Variants in SLC24A3 observed in about 807,000 individuals in gnomAD.
SLC24A3 encodes sodium/potassium/calcium exchanger 3.
SLC24A3 carries 28 observed loss-of-function variants against 75.8 expected under a neutral mutation model. That is an observed-to-expected ratio of 0.37 (90% CI 0.27 to 0.51). SLC24A3 has a LOEUF of 0.51. SLC24A3 is among the 20% of genes least tolerant of loss of function. The pLI is 0.94. For missense variants in SLC24A3, 663 were observed against 847.8 expected, an observed-to-expected ratio of 0.78 and a Z score of 2.71; for synonymous variants, 372 against 334.1, an observed-to-expected ratio of 1.11 and a Z score of -1.24.
At chr20:19,474,726 G>C (rs186974166) in intron 2 of SLC24A3, among the ~76,000 whole-genome samples, 1 of 152,050 alleles carries the variant, frequency 6.6e-6, no homozygotes, top group Non-Finnish European at 1.5e-5. Flanking sequence ...GAATTTTTTT[G>C]TGTGTGTGGT....
At chr20:19,527,125 T>C (rs1285932085) in intron 3 of SLC24A3, among the ~76,000 whole-genome samples, 1 of 151,918 alleles carries the variant, frequency 6.6e-6, no homozygotes, top group African/African-American at 2.4e-5. Context: ...CAGCTAGAAG[T>C]CATTTGCCTC....
intron 2 of SLC24A3, among the ~76,000 whole-genome samples, chr20:19,316,610 C>T (rs1984594102): frequency 6.6e-6 from 1 of 152,208 alleles, no homozygotes; most frequent in Non-Finnish European, 1.5e-5. Flanking sequence ...ATCAGCCAGA[C>T]ACCAAGTCGT....
intron 2 of SLC24A3, among the ~76,000 whole-genome samples, chr20:19,513,562 A>G (rs920864144): frequency 2.4e-4 from 36 of 152,054 alleles, no homozygotes; most frequent in African/African-American, 8.7e-4. Flanking sequence ...CTCCCAGTTT[A>G]TTCATTGTTC....
At chr20:19,285,467 G>T (rs1983788477) in intron 2 of SLC24A3, among the ~76,000 whole-genome samples, 1 of 94,562 alleles carries the variant, frequency 1.1e-5, no homozygotes, top group African/African-American at 4.2e-5. Context: ...GACAGAATGA[G>T]ACCCTGTCTC....
intron 2 of SLC24A3, among the ~76,000 whole-genome samples, chr20:19,450,995 G>C (rs1987470466): frequency 6.6e-6 from 1 of 151,872 alleles, no homozygotes; most frequent in Admixed American, 6.6e-5. Context: ...GCGAGACTCT[G>C]TTTCAAAAAA....
At chr20:19,299,652 A>G (rs2122244351) in intron 2 of SLC24A3, among the ~76,000 whole-genome samples, 1 of 152,340 alleles carries the variant, frequency 6.6e-6, no homozygotes, top group East Asian at 1.9e-4. Flanking sequence ...GGGGCCTGGA[A>G]CTTATGTAAA....
At position 19,517,959 on chromosome 20, in the gene SLC24A3, G is replaced by C. The variant is rs569561884; in HGVS notation, c.348+2395G>C. 5.4e-3 allele frequency among the ~76,000 whole-genome samples: 822 copies of C among 152,246 alleles called. 2 individuals are homozygous for C. Among genetic ancestry groups the C allele is most frequent in the Middle Eastern group, 0.01 (3 of 294 alleles). On this transcript the variant is annotated intron_variant, in intron 3 of 16. Coordinates refer to ENST00000328041, the MANE Select transcript of SLC24A3 (RefSeq NM_020689.4). ...TGTTATCCTACCCACTAGAATATAA[G>C]CCCCTACCACCAGAATGTAAGCCCC...
chr20:19,720,799 T>C (rs2033096747), intron 16 of SLC24A3, among the ~76,000 whole-genome samples, 192 bp from the exon 17 acceptor site: 1 of 152,130 alleles, frequency 6.6e-6, no homozygotes, highest in Non-Finnish European at 1.5e-5. Flanking sequence ...GCTTCCTTTC[T>C]TCCTGATGTT....
intron 3 of SLC24A3, among the ~76,000 whole-genome samples, chr20:19,578,231 C>T (rs963330288): frequency 3.3e-5 from 5 of 151,866 alleles, no homozygotes; most frequent in Admixed American, 1.3e-4. Flanking sequence ...AGACTGGAGC[C>T]GGGGCCAGGG....
intron 2 of SLC24A3, among the ~76,000 whole-genome samples, chr20:19,503,583 A>G (rs965272233): frequency 2.1e-4 from 32 of 152,258 alleles, no homozygotes; most frequent in African/African-American, 7.2e-4. Context: ...TGGTAACATA[A>G]AAGGAAAAAT....
chr20:19,359,446 G>A (rs985404657), intron 2 of SLC24A3, among the ~76,000 whole-genome samples: 18 of 152,142 alleles, frequency 1.2e-4, no homozygotes, highest in African/African-American at 3.6e-4. Flanking sequence ...CTGCCAACCC[G>A]TCACCCATGT....
intron 2 of SLC24A3, among the ~76,000 whole-genome samples, chr20:19,340,215 T>C (rs1299271244): frequency 1.3e-5 from 2 of 152,176 alleles, no homozygotes; most frequent in South Asian, 2.1e-4. Flanking sequence ...GCATGCCAGG[T>C]GTCCTGATAA....
chr20:19,417,807 T>C (rs572403623), intron 2 of SLC24A3, among the ~76,000 whole-genome samples: 1 of 152,316 alleles, frequency 6.6e-6, no homozygotes, highest in East Asian at 1.9e-4. Flanking sequence ...GGATGCTGGA[T>C]GAGGCATCAC....
At chr20:19,688,297 C>G (rs1212931078) in intron 12 of SLC24A3, among the ~76,000 whole-genome samples, 1 of 152,226 alleles carries the variant, frequency 6.6e-6, no homozygotes, top group South Asian at 2.1e-4. Flanking sequence ...CCTAGAGGCA[C>G]TCAGCAATCT....
intron 1 of SLC24A3, among the ~76,000 whole-genome samples, chr20:19,279,773 G>A (rs977310981): frequency 6.6e-6 from 1 of 151,964 alleles, no homozygotes; most frequent in African/African-American, 2.4e-5. Flanking sequence ...ACTCACATTT[G>A]CAGCATTTCT....
intron 2 of SLC24A3, chr20:19,284,592 T>G (rs918417006): frequency 6.6e-6 from 1 of 152,412 alleles, no homozygotes; most frequent in Non-Finnish European, 1.5e-5. Flanking sequence ...GGGTGCAGTG[T>G]GTGTCCTGGC....
intron 2 of SLC24A3, among the ~76,000 whole-genome samples, chr20:19,448,988 C>A (rs1987435347): frequency 1.3e-5 from 2 of 152,144 alleles, no homozygotes; most frequent in South Asian, 4.1e-4. Context: ...TGGATGTGCA[C>A]CCTGGGATGG....
Position 19,468,422 on chromosome 20 carries a change from C to G in SLC24A3, c.272-47066C>G, listed in dbSNP as rs191791541. On this transcript the variant is annotated intron_variant, in intron 2 of 16. Coordinates refer to ENST00000328041, the MANE Select transcript of SLC24A3 (RefSeq NM_020689.4). ...TTCACCAATACACTTACTAAAGCAG[C>G]AGGGACATTTCCATTTTAACAGCAA... is the stretch of plus-strand genomic sequence containing the variant. Among the ~76,000 whole-genome samples the G allele has an allele frequency of 2.0e-5, 3 of 152,062 alleles. No homozygotes were observed. The East Asian group carries it at 5.8e-4, about 30-fold the overall frequency.
intron 2 of SLC24A3, among the ~76,000 whole-genome samples, chr20:19,370,332 ATTGACTGTATAATACATTTCATCTTAT>A (rs2122355243): frequency 6.6e-6 from 1 of 152,320 alleles, no homozygotes; most frequent in Admixed American, 6.5e-5. Context: ...AAGTGATGTC[ATTGACTGTATAATACATTTCATCTTAT>A]TTGAGACCTG....
Sources: gnomAD v4.1 joint callset for allele counts (sites outside exome capture counted in the v4.1 genomes callset) on GRCh38, gnomAD v4.1.1 for gene constraint, MANE v1.5 for transcripts, NCBI Gene and HGNC (gene_info 2026-07-23, HGNC 2026-07-21) for gene names.